SPATA13: variants seen among roughly 807,000 people sequenced by gnomAD.
The protein encoded by SPATA13 is spermatogenesis associated 13.
In SPATA13, 50 loss-of-function variants were observed where a neutral mutation model predicts 104.0. The observed-to-expected ratio is 0.48, with a 90% confidence interval of 0.38 to 0.61. The LOEUF (loss-of-function observed/expected upper bound fraction) is 0.61. SPATA13 is among the 20% of genes least tolerant of loss of function. SPATA13 has a pLI of 0.00. For synonymous variants in SPATA13, 606 were observed against 667.5 expected (o/e 0.91, Z 1.42); for missense variants, 1,524 against 1,690.6 (o/e 0.90, Z 1.73).
chr13:24,131,844 T>C (rs1165183408), intron 3 of SPATA13, among the ~76,000 whole-genome samples: 1 of 152,060 alleles, frequency 6.6e-6, no homozygotes, highest in Non-Finnish European at 1.5e-5. Flanking sequence ...AATAGCAACA[T>C]AAAACAAGGG....
chr13:24,300,659 G>A (rs750008442), intron 12 of SPATA13, 184 bp downstream of exon 12: 89 of 605,932 alleles, frequency 1.5e-4, no homozygotes, highest in African/African-American at 1.5e-4. Flanking sequence ...TTGAATGTGC[G>A]TCAGTGTTTG....
At chr13:24,076,089 C>T (rs7337169) in intron 3 of SPATA13, among the ~76,000 whole-genome samples, 70,930 of 152,004 alleles carry the variant, frequency 0.47, 16,632 homozygotes, top group East Asian at 0.53. Flanking sequence ...ACTTGTAAAA[C>T]AGAGAAAAGA....
chr13:24,164,509 A>G (rs1198022394), intron 1 of SPATA13, among the ~76,000 whole-genome samples: 2 of 152,336 alleles, frequency 1.3e-5, no homozygotes, highest in East Asian at 3.9e-4. Flanking sequence ...GAGATGGGTG[A>G]TCAGGTACCA....
intron 3 of SPATA13, among the ~76,000 whole-genome samples, chr13:24,058,994 C>T (rs1026803536): frequency 4.6e-5 from 7 of 151,488 alleles, no homozygotes; most frequent in South Asian, 2.1e-4. Flanking sequence ...TGTTTTGAGA[C>T]GGAGTCTTGC....
chr13:24,242,790 C>T (rs1172797556), intron 2 of SPATA13, among the ~76,000 whole-genome samples: 5 of 152,172 alleles, frequency 3.3e-5, no homozygotes, highest in African/African-American at 1.2e-4. Flanking sequence ...CTTGTTCCTG[C>T]TTTCAACTCC....
At chr13:24,248,827 G>T (rs1873306830) in intron 2 of SPATA13, among the ~76,000 whole-genome samples, 1 of 152,070 alleles carries the variant, frequency 6.6e-6, no homozygotes, top group African/African-American at 2.4e-5. Context: ...GGTCTTTGGG[G>T]GACACCTATG....
At chr13:24,241,616 G>A (rs1872836770) in intron 2 of SPATA13, among the ~76,000 whole-genome samples, 1 of 152,248 alleles carries the variant, frequency 6.6e-6, no homozygotes, top group African/African-American at 2.4e-5. Flanking sequence ...GAAAGAGCCA[G>A]GGAGTGGAGG....
intron 1 of SPATA13, among the ~76,000 whole-genome samples, chr13:24,176,704 C>G (rs1000832650): frequency 6.6e-6 from 1 of 152,100 alleles, no homozygotes; most frequent in Non-Finnish European, 1.5e-5. Context: ...GGTAATTTCT[C>G]TAAAGAAGTT....
At chr13:24,255,475 A>T (rs1873743456) in intron 4 of SPATA13, among the ~76,000 whole-genome samples, 1 of 152,104 alleles carries the variant, frequency 6.6e-6, no homozygotes, top group African/African-American at 2.4e-5. Context: ...TTAACAGCAC[A>T]ACCAGAGATT....
chr13:24,221,531 G>A (rs1871587153), intron 1 of SPATA13, among the ~76,000 whole-genome samples: 7 of 152,112 alleles, frequency 4.6e-5, no homozygotes, highest in Admixed American at 4.6e-4. Context: ...CAGGTGTGGG[G>A]TTGAAGGGTT....
At chr13:24,070,344 G>A (rs1004365074) in intron 3 of SPATA13, among the ~76,000 whole-genome samples, 17 of 152,194 alleles carry the variant, frequency 1.1e-4, no homozygotes, top group African/African-American at 2.6e-4. Context: ...TGCCTCCTCT[G>A]CCGCCCCCCT....
chr13:23,996,419 T>TGAG (rs1875697147), intron 2 of SPATA13, among the ~76,000 whole-genome samples: 1 of 138,958 alleles, frequency 7.2e-6, no homozygotes, highest in Non-Finnish European at 1.6e-5. Flanking sequence ...CAAAAAACGA[T>TGAG]CTGCAAATCA....
At chr13:24,177,831 A>G (rs1219227041) in intron 1 of SPATA13, among the ~76,000 whole-genome samples, 2 of 152,236 alleles carry the variant, frequency 1.3e-5, no homozygotes, top group Admixed American at 6.5e-5. Flanking sequence ...CTATCTTTCA[A>G]TATAATCACT....
At chr13:24,092,416 A>G (rs1272604887) in intron 3 of SPATA13, among the ~76,000 whole-genome samples, 1 of 152,234 alleles carries the variant, frequency 6.6e-6, no homozygotes, top group East Asian at 1.9e-4. Flanking sequence ...AATGACTGCA[A>G]TTGGTATAAC....
intron 1 of SPATA13, among the ~76,000 whole-genome samples, chr13:24,198,951 CTTTT>C (rs3067263): frequency 7.1e-6 from 1 of 140,334 alleles, no homozygotes. Context: ...ACTATAAAAT[CTTTT>C]TTTTTTTTTT....
chr13:24,041,905 G>C (rs1172791742), intron 3 of SPATA13, among the ~76,000 whole-genome samples: 2 of 152,332 alleles, frequency 1.3e-5, no homozygotes, highest in Admixed American at 6.5e-5. Context: ...AGAGTGAGGC[G>C]TAACGGTCAA....
intron 4 of SPATA13, 59 bp from the exon 5 acceptor site, chr13:24,284,076 T>TG: frequency 2.6e-6 from 4 of 1,546,738 alleles, no homozygotes; most frequent in Non-Finnish European, 3.5e-6. Context: ...TTTTTCATCA[T>TG]ATGAAAAAAT....
intron 10 of SPATA13, 46 bp from the exon 11 acceptor site, chr13:24,297,317 C>G: frequency 6.4e-7 from 1 of 1,559,160 alleles, no homozygotes; most frequent in Non-Finnish European, 8.7e-7. Flanking sequence ...AGGACTACAG[C>G]TGTGGTAGAA....
chr13:24,198,252 C>T (rs1479009053), intron 1 of SPATA13, among the ~76,000 whole-genome samples: 3 of 152,148 alleles, frequency 2.0e-5, no homozygotes, highest in Non-Finnish European at 4.4e-5. Context: ...CTTGGCCTCC[C>T]AAAGTGCTGA....
Sources: gnomAD v4.1 joint callset for allele counts (sites outside exome capture counted in the v4.1 genomes callset) on GRCh38, gnomAD v4.1.1 for gene constraint, MANE v1.5 for transcripts, NCBI Gene and HGNC (gene_info 2026-07-23, HGNC 2026-07-21) for gene names.